The following INSYN2B variants were observed in gnomAD, a reference collection of about 807,000 sequenced individuals.
INSYN2B encodes the protein inhibitory synaptic factor family member 2B.
Under a neutral mutation model 41.2 loss-of-function variants are expected in INSYN2B, and 16 were observed. The observed-to-expected ratio is 0.39, with a 90% CI of 0.26 to 0.59. The LOEUF is 0.59. Among genes scored for constraint, INSYN2B ranks in the 20% least tolerant of loss-of-function variants. The pLI is 0.57. For synonymous variants in INSYN2B, 245 were observed against 244.4 expected (o/e 1.00, Z -0.02); for missense variants, 608 against 646.4 (o/e 0.94, Z 0.64).
intron 1 of INSYN2B, among the ~76,000 whole-genome samples, chr5:169,974,598 G>T (rs1777647007): frequency 6.6e-6 from 1 of 152,152 alleles, no homozygotes; most frequent in Non-Finnish European, 1.5e-5. Flanking sequence ...GCACATGTTT[G>T]CAGGAAAGAG....
chr5:169,874,448 T>C (rs989125332), intron 3 of INSYN2B, among the ~76,000 whole-genome samples: 2 of 137,802 alleles, frequency 1.5e-5, no homozygotes, highest in African/African-American at 5.3e-5. Flanking sequence ...TGGTGGTCTG[T>C]GGAGTTTGAG....
At chr5:169,872,830 C>G (rs1772070737) in intron 3 of INSYN2B, among the ~76,000 whole-genome samples, 1 of 152,202 alleles carries the variant, frequency 6.6e-6, no homozygotes, top group Non-Finnish European at 1.5e-5. Flanking sequence ...ATCACTTAAC[C>G]TCTCTGAGCC....
intron 1 of INSYN2B, among the ~76,000 whole-genome samples, chr5:169,904,932 C>G (rs928937555): frequency 9.2e-5 from 14 of 152,092 alleles, no homozygotes; most frequent in African/African-American, 3.4e-4. Flanking sequence ...CCGAGAGACC[C>G]GGGTTTGAAT....
At position 169,884,389 on chromosome 5, in the gene INSYN2B, T is replaced by C. The variant is rs1308725412; in HGVS notation, c.-491A>G. The C allele has an allele frequency of 6.5e-6, 1 of 152,782 alleles. No individual in the cohort carries two copies. The highest frequency in any genetic ancestry group is 1.5e-5 in the Non-Finnish European group (1 of 68,446). 9.5% of individuals were successfully genotyped at this position (152,782 alleles called of 1,614,324 possible). ...TTTCCCAGAGCATTAATTTCCAGGG[T>C]GAAACTGCAGGAAACTTAAATGCAT... On this transcript the variant is annotated 5_prime_UTR_variant, in exon 2 of 4. Transcript: ENST00000377365.
At chr5:169,912,817 A>AT (rs1049944099) in intron 1 of INSYN2B, among the ~76,000 whole-genome samples, 10 of 150,120 alleles carry the variant, frequency 6.7e-5, no homozygotes, top group African/African-American at 2.0e-4. Context: ...GAGTGTTGAG[A>AT]TTTTTTTTTT....
At chr5:169,937,825 T>G (rs1205987812) in intron 1 of INSYN2B, among the ~76,000 whole-genome samples, 1 of 152,226 alleles carries the variant, frequency 6.6e-6, no homozygotes, top group African/African-American at 2.4e-5. Flanking sequence ...ATCATTCTAT[T>G]GGTCACTGAC....
At chr5:169,927,158 A>G (rs1775500980) in intron 1 of INSYN2B, among the ~76,000 whole-genome samples, 1 of 152,208 alleles carries the variant, frequency 6.6e-6, no homozygotes, top group African/African-American at 2.4e-5. Flanking sequence ...AAAGTTCAAG[A>G]TGGGAAGATC....
chr5:169,889,376 A>G (rs1402185462), intron 1 of INSYN2B, among the ~76,000 whole-genome samples: 1 of 152,192 alleles, frequency 6.6e-6, no homozygotes, highest in Non-Finnish European at 1.5e-5. Context: ...TGAGGTGGGC[A>G]CTGTAATAAA....
At chr5:169,975,061 C>T (rs17071936) in intron 1 of INSYN2B, among the ~76,000 whole-genome samples, 12,844 of 152,124 alleles carry the variant, frequency 0.084, 874 homozygotes, top group African/African-American at 0.19. Flanking sequence ...GCCCACTGGA[C>T]TCAAAGATAA....
At chr5:169,867,928 C>T (rs560366641) in intron 3 of INSYN2B, among the ~76,000 whole-genome samples, 12 of 152,268 alleles carry the variant, frequency 7.9e-5, no homozygotes, top group African/African-American at 2.6e-4. Context: ...CTCTGATTCT[C>T]GCCCCTCTAG....
rs1010116944 is a variant in INSYN2B at position 169,960,990 on chromosome 5, A to G, written c.-919+19287T>C. On this transcript the variant is annotated intron_variant, in intron 1 of 3. Coordinates refer to ENST00000377365, the MANE Select transcript of INSYN2B (RefSeq NM_001129891.3). ...CATAGTATATATAGGTTCACTATCC[A>G]TGGAGTCTTGGAACATATCCCTGAG... Among the ~76,000 whole-genome samples the G allele has an allele frequency of 3.3e-5, 5 of 152,334 alleles. No homozygotes were observed. The South Asian group carries it at 1.0e-3, about 32-fold the overall frequency.
intron 1 of INSYN2B, 92 bp downstream of exon 1, chr5:169,980,185 G>C (rs1483673333): frequency 6.6e-6 from 1 of 151,976 alleles, no homozygotes; most frequent in African/African-American, 2.4e-5. Flanking sequence ...TTAAGCCAAA[G>C]CTTTAAAAGT....
intron 1 of INSYN2B, among the ~76,000 whole-genome samples, chr5:169,961,322 G>T (rs1376105808): frequency 6.6e-6 from 1 of 152,212 alleles, no homozygotes; most frequent in Non-Finnish European, 1.5e-5. Flanking sequence ...GAATATAATT[G>T]AAGTGACTTG....
chr5:169,874,086 A>C (rs961214472), intron 3 of INSYN2B, among the ~76,000 whole-genome samples: 1 of 151,104 alleles, frequency 6.6e-6, no homozygotes, highest in African/African-American at 2.4e-5. Context: ...CTGGTCCAGA[A>C]GAATTTATGA....
chr5:169,922,366 A>C (rs571814978), intron 1 of INSYN2B, among the ~76,000 whole-genome samples: 2 of 152,238 alleles, frequency 1.3e-5, no homozygotes, highest in African/African-American at 4.8e-5. Flanking sequence ...TAATACATAA[A>C]AATAATGTAA....
intron 1 of INSYN2B, among the ~76,000 whole-genome samples, chr5:169,975,088 A>C (rs528800200): frequency 1.9e-4 from 29 of 152,186 alleles, no homozygotes; most frequent in Non-Finnish European, 3.4e-4. Context: ...TCAATGTAAA[A>C]CTAAAGTCCA....
intron 1 of INSYN2B, among the ~76,000 whole-genome samples, chr5:169,903,920 C>A (rs1466732292): frequency 6.6e-6 from 1 of 151,790 alleles, no homozygotes; most frequent in Non-Finnish European, 1.5e-5. Context: ...GCCAACATGG[C>A]GAAGCTCTGC....
At chr5:169,902,727 A>G (rs11746697) in intron 1 of INSYN2B, among the ~76,000 whole-genome samples, 55,426 of 152,030 alleles carry the variant, frequency 0.36, 11,286 homozygotes, top group Admixed American at 0.5. Flanking sequence ...AATCTGCAGA[A>G]AATGGGTTGG....
At position 169,950,146 on chromosome 5, in the gene INSYN2B, T is replaced by C. The variant is rs371817529; in HGVS notation, c.-919+30131A>G. ...TCTCCCTCTTTCTGTTCTACTATCA[T>C]GAGATGAGACAGGAGCCATCGTGGA... On this transcript the variant is annotated intron_variant, in intron 1 of 3. Transcript: ENST00000377365. 3.6e-4 allele frequency among the ~76,000 whole-genome samples: 55 copies of C among 152,220 alleles called. No homozygotes were observed. The South Asian group carries it at 0.011, about 30-fold the overall frequency.
Sources: allele counts gnomAD v4.1 joint callset (sites outside exome capture counted in the v4.1 genomes callset), GRCh38; gene constraint gnomAD v4.1.1; transcripts MANE v1.5; gene names NCBI Gene and HGNC (gene_info 2026-07-23, HGNC 2026-07-21).